EPHA6: variants seen among roughly 807,000 people sequenced by gnomAD.
EPHA6 encodes the protein ephrin type-A receptor 6.
Under a neutral mutation model 112.0 loss-of-function variants are expected in EPHA6, and 50 were observed. That is an observed-to-expected ratio of 0.45 (90% CI 0.36 to 0.56). The LOEUF (loss-of-function observed/expected upper bound fraction) is 0.56. EPHA6 is among the 20% of genes least tolerant of loss of function. The probability of loss-of-function intolerance (pLI) is 0.00; values close to 1 mark genes in which losing one functional copy is unlikely to be tolerated. For missense variants in EPHA6, 1,280 were observed against 1,417.4 expected (o/e 0.90, Z 1.56); for synonymous variants, 529 against 490.7 (o/e 1.08, Z -1.03).
At chr3:97,416,499 G>A (rs2088133460) in intron 6 of EPHA6, among the ~76,000 whole-genome samples, 1 of 151,996 alleles carries the variant, frequency 6.6e-6, no homozygotes, top group Admixed American at 6.6e-5. Flanking sequence ...CTAGGTAAAG[G>A]GAACATAAGT....
intron 10 of EPHA6, among the ~76,000 whole-genome samples, chr3:97,504,966 A>C (rs1369228384): frequency 6.6e-6 from 1 of 152,082 alleles, no homozygotes; most frequent in Admixed American, 6.6e-5. Context: ...CCTGCTTTTT[A>C]AAAATATTTT....
chr3:97,500,935 A>T (rs1043667602), intron 10 of EPHA6, among the ~76,000 whole-genome samples: 2 of 151,832 alleles, frequency 1.3e-5, no homozygotes, highest in African/African-American at 4.8e-5. Context: ...ACAAATAGCA[A>T]TTTTTTTTCT....
At chr3:96,887,449 G>A (rs1316102034) in intron 2 of EPHA6, among the ~76,000 whole-genome samples, 1 of 152,204 alleles carries the variant, frequency 6.6e-6, no homozygotes, top group African/African-American at 2.4e-5. Flanking sequence ...CCATTTATGG[G>A]TCTCAGCTGT....
intron 2 of EPHA6, among the ~76,000 whole-genome samples, chr3:96,874,509 T>G (rs893778802): frequency 6.6e-6 from 1 of 152,140 alleles, no homozygotes; most frequent in Non-Finnish European, 1.5e-5. Flanking sequence ...AAAAAACTTA[T>G]AGAAATAATT....
intron 3 of EPHA6, among the ~76,000 whole-genome samples, chr3:97,085,929 A>G (rs865950379): frequency 3.1e-4 from 29 of 94,198 alleles, no homozygotes; most frequent in African/African-American, 2.2e-3. Flanking sequence ...ATATGATGTC[A>G]TATATATATA....
chr3:97,613,591 T>C (rs1268496525), intron 13 of EPHA6, among the ~76,000 whole-genome samples: 3 of 152,166 alleles, frequency 2.0e-5, no homozygotes, highest in Non-Finnish European at 2.9e-5. Flanking sequence ...GGGGACATTC[T>C]TCCAGATATA....
At chr3:96,922,179 A>T (rs2039800501) in intron 2 of EPHA6, among the ~76,000 whole-genome samples, 1 of 152,170 alleles carries the variant, frequency 6.6e-6, no homozygotes, top group African/African-American at 2.4e-5. Flanking sequence ...TCTGGTAGGA[A>T]CTCTATTTCT....
At chr3:96,998,140 A>G (rs1177558362) in intron 3 of EPHA6, among the ~76,000 whole-genome samples, 1 of 151,976 alleles carries the variant, frequency 6.6e-6, no homozygotes, top group Non-Finnish European at 1.5e-5. Flanking sequence ...AGTCAAATTT[A>G]TGTAAATAAA....
intron 3 of EPHA6, among the ~76,000 whole-genome samples, chr3:97,037,323 G>C (rs1461672858): frequency 6.6e-6 from 1 of 151,954 alleles, no homozygotes; most frequent in Non-Finnish European, 1.5e-5. Flanking sequence ...GATAACTAGA[G>C]GTCTAAACTT....
chr3:96,870,728 A>G (rs116586497), intron 2 of EPHA6, among the ~76,000 whole-genome samples: 1 of 152,140 alleles, frequency 6.6e-6, no homozygotes, highest in African/African-American at 2.4e-5. Context: ...AGCAGAGATT[A>G]CAATCAACCT....
intron 3 of EPHA6, among the ~76,000 whole-genome samples, chr3:97,131,691 C>A (rs1377017322): frequency 6.6e-6 from 1 of 152,078 alleles, no homozygotes; most frequent in Non-Finnish European, 1.5e-5. Flanking sequence ...AGGAAGTTGG[C>A]CACAGCAGAG....
At chr3:96,940,510 T>A (rs895928777) in intron 2 of EPHA6, among the ~76,000 whole-genome samples, 1 of 152,148 alleles carries the variant, frequency 6.6e-6, no homozygotes, top group Non-Finnish European at 1.5e-5. Flanking sequence ...GTGAGATGGG[T>A]TTCCTGAATA....
At chr3:97,251,527 C>CA (rs549197962) in intron 5 of EPHA6, among the ~76,000 whole-genome samples, 108 of 146,224 alleles carry the variant, frequency 7.4e-4, no homozygotes, top group Middle Eastern at 3.5e-3. Flanking sequence ...GACTCCGTCT[C>CA]AAAAAAAAAA....
chr3:97,060,372 T>C (rs1455715483), intron 3 of EPHA6, among the ~76,000 whole-genome samples: 1 of 152,152 alleles, frequency 6.6e-6, no homozygotes, highest in Admixed American at 6.5e-5. Flanking sequence ...ACAGAATATA[T>C]ATACAGAATA....
At chr3:97,341,000 T>G (rs1349487721) in intron 5 of EPHA6, among the ~76,000 whole-genome samples, 2 of 152,192 alleles carry the variant, frequency 1.3e-5, no homozygotes, top group Non-Finnish European at 2.9e-5. Flanking sequence ...GAAAAAATTT[T>G]CCCAGAAGTC....
At chr3:97,266,089 A>G (rs2108630110) in intron 5 of EPHA6, among the ~76,000 whole-genome samples, 1 of 152,314 alleles carries the variant, frequency 6.6e-6, no homozygotes, top group Admixed American at 6.5e-5. Flanking sequence ...TTCATTTAGA[A>G]ATAAACATTT....
chr3:97,655,137 C>T (rs2094130359), intron 14 of EPHA6, among the ~76,000 whole-genome samples: 1 of 147,950 alleles, frequency 6.8e-6, no homozygotes, highest in African/African-American at 2.5e-5. Context: ...TATATATACA[C>T]ATACATATAT....
At chr3:97,519,810 G>A (rs1409581161) in intron 10 of EPHA6, among the ~76,000 whole-genome samples, 2 of 151,256 alleles carry the variant, frequency 1.3e-5, no homozygotes, top group East Asian at 3.9e-4. Flanking sequence ...AAACACTGCT[G>A]ATTTTTATAT....
At chr3:97,104,698 A>G (rs2108268056) in intron 3 of EPHA6, among the ~76,000 whole-genome samples, 1 of 152,218 alleles carries the variant, frequency 6.6e-6, no homozygotes. Context: ...AATTTTTGGT[A>G]ACAATTTCAG....
Sources: gnomAD v4.1 joint callset for allele counts (sites outside exome capture counted in the v4.1 genomes callset) on GRCh38, gnomAD v4.1.1 for gene constraint, MANE v1.5 for transcripts, NCBI Gene and HGNC (gene_info 2026-07-23, HGNC 2026-07-21) for gene names.